The following AKAP9 variants were observed in gnomAD, a reference collection of about 807,000 sequenced individuals.
AKAP9 encodes A-kinase anchoring protein 9.
AKAP9 carries 311 observed loss-of-function variants against 488.5 expected under a neutral mutation model. The ratio of observed to expected loss-of-function variants is 0.64; its 90% CI spans 0.58 to 0.70. The LOEUF is 0.70. Ranked by LOEUF, AKAP9 falls within the 30% of genes least tolerant of loss-of-function variation. The pLI, the probability that AKAP9 is intolerant of heterozygous loss-of-function variation, is 0.00. For synonymous variants in AKAP9, 1,462 were observed against 1,483.5 expected (o/e 0.99, Z 0.33); for missense variants, 4,215 against 4,374.5 (o/e 0.96, Z 1.03).
intron 22 of AKAP9, chr7:92,058,019 A>G (rs1039780082): frequency 6.9e-5 from 21 of 302,632 alleles, no homozygotes; most frequent in Admixed American, 9.8e-5. Flanking sequence ...GTGCAGTTGT[A>G]TGAATTAATT....
chr7:92,029,980 G>T lies in AKAP9; in HGVS notation c.4234G>T (p.Gly1412Cys). 3 of 1,601,454 alleles carry T rather than the reference G, an allele frequency of 1.9e-6. No individual in the cohort carries two copies. The highest frequency in any genetic ancestry group is 1.1e-5 in the South Asian group (1 of 90,622). ...PGSCVKKNID[G>C]TIEFSGEFGV... is the part of the protein sequence containing the mutation. ...AAGTTGTGTGAAAAAGAATATTGAT[G>T]GTACAATAGAGGTATTATATTTTTA... Residue 1412 changes from glycine to cysteine, a missense_variant, in exon 15 of 50, where the codon GGT (glycine) becomes TGT (cysteine). Physicochemically the swap from Gly to Cys is radical, Grantham distance 159. This residue lies in a region of AKAP9 where 2,361 missense variants were observed against 2,430.0 expected (regional missense o/e 0.97). Transcript: ENST00000356239.
intron 21 of AKAP9, among the ~76,000 whole-genome samples, chr7:92,046,564 T>C (rs577592788): frequency 6.6e-6 from 1 of 152,318 alleles, no homozygotes; most frequent in Admixed American, 6.5e-5. Context: ...AAAAATTGTT[T>C]TTAGTAAATT....
At chr7:92,089,694 A>G in intron 38 of AKAP9, 165 bp downstream of exon 38, 1 of 794,640 alleles carries the variant, frequency 1.3e-6, no homozygotes, top group South Asian at 1.7e-5. Flanking sequence ...TAGGGGTTAG[A>G]GGATTGTCTA....
chr7:92,080,712 C>T (rs75497754), intron 31 of AKAP9, among the ~76,000 whole-genome samples: 5 of 152,116 alleles, frequency 3.3e-5, no homozygotes, highest in African/African-American at 4.8e-5. Context: ...TTTCACAAAT[C>T]TCTTTTGTGC....
At chr7:91,986,037 G>T (rs996178039) in intron 3 of AKAP9, among the ~76,000 whole-genome samples, 1 of 152,098 alleles carries the variant, frequency 6.6e-6, no homozygotes, top group Non-Finnish European at 1.5e-5. Context: ...CTTTGAATCT[G>T]TCTGGTCCTG....
Position 92,089,422 on chromosome 7 carries a change from A to G in AKAP9, c.9251A>G (p.Lys3084Arg). Residue 3084 changes from lysine to arginine, a missense_variant, in exon 38 of 50, where the codon AAA becomes AGA. This residue lies in a region of AKAP9 where 1,476 missense variants were observed against 1,477.4 expected (regional missense o/e 1.00). Coordinates refer to ENST00000356239, the MANE Select transcript of AKAP9 (RefSeq NM_005751.5). Reference sequence around the variant, plus strand: ...CAAGCAGCTATGGAATGCCTCCAGAAAGCAGATAGAAGGAGTTTGTTATCT... The same window carrying G: ...CAAGCAGCTATGGAATGCCTCCAGAGAGCAGATAGAAGGAGTTTGTTATCT... ...EYQAAMECLQ[K>R]ADRRSLLSEI... The G allele has an allele frequency of 1.2e-6, 2 of 1,612,144 alleles. No homozygotes were observed. Among genetic ancestry groups the G allele is most frequent in the Non-Finnish European group, 1.7e-6 (2 of 1,179,718 alleles).
chr7:91,994,793 C>A lies in AKAP9; in HGVS notation c.732+17C>A. 1 of 1,591,364 alleles carries A rather than the reference C, an allele frequency of 6.3e-7. No homozygotes were observed. Among genetic ancestry groups the A allele is most frequent in the Non-Finnish European group, 8.6e-7 (1 of 1,164,988 alleles). ...TTTCAGCAAGTAAGTATTACTAATG[C>A]AACAAAATTCATTATTTTTTTAGTA... On this transcript the variant is annotated intron_variant, in intron 6 of 49. Coordinates refer to ENST00000356239, the MANE Select transcript of AKAP9 (RefSeq NM_005751.5).
In AKAP9 at chr7:91,971,982, C is replaced by CTTTTTTTTTTTTTTTTTTTTTTT. The variant is rs71107846; in HGVS notation, c.49-1709_49-1708insTTTTTTTTTTTTTTTTTTTTTTT. Among the ~76,000 whole-genome samples, 3 of 91,890 alleles carry CTTTTTTTTTTTTTTTTTTTTTTT rather than the reference C, an allele frequency of 3.3e-5. 1 individual carries two copies. The highest frequency in any genetic ancestry group is 2.0e-5 in the Non-Finnish European group (1 of 49,074). The allele number at this position is 91,890 out of a possible 152,430, so 60.3% of individuals were successfully genotyped here. On this transcript the variant is annotated intron_variant, in intron 1 of 49. Transcript: ENST00000356239. ...ATAGAGTCTTTTATGTTTTGCCTCT[C>CTTTTTTTTTTTTTTTTTTTTTTT]TTTTTTTTTTTTTTTTTTTTGCACT...
chr7:92,022,989 TGAGTCCACG>T lies in AKAP9; in HGVS notation c.4130_4138del (p.Glu1377_Thr1379del), dbSNP rs774423206. ...TACAGAAGAGGCTTCAAGCTGTTAG[TGAGTCCACG>T]GTTCCGCCAAGGTATTCATCTGCTT... On this transcript the variant is annotated inframe_deletion, in exon 14 of 50. Coordinates refer to ENST00000356239, the MANE Select transcript of AKAP9 (RefSeq NM_005751.5). 88 of 1,614,024 alleles carry T rather than the reference TGAGTCCACG, an allele frequency of 5.5e-5. No homozygotes were observed. Among genetic ancestry groups the T allele is most frequent in the Non-Finnish European group, 7.1e-5 (84 of 1,179,898 alleles).
At chr7:91,996,487 T>G (rs1798422885) in intron 7 of AKAP9, among the ~76,000 whole-genome samples, 1 of 152,164 alleles carries the variant, frequency 6.6e-6, no homozygotes, top group Admixed American at 6.5e-5. Context: ...TGGAGCTTCC[T>G]GTACTACACT....
At chr7:92,010,680 A>C (rs1276216256) in intron 8 of AKAP9, among the ~76,000 whole-genome samples, 1 of 151,958 alleles carries the variant, frequency 6.6e-6, no homozygotes, top group East Asian at 1.9e-4. Flanking sequence ...TTTTAGAGAC[A>C]AGTTTTTACT....
At chr7:92,011,753 A>G (rs1319866686) in intron 8 of AKAP9, among the ~76,000 whole-genome samples, 4 of 152,236 alleles carry the variant, frequency 2.6e-5, no homozygotes, top group Admixed American at 6.5e-5. Flanking sequence ...TTTATTTAAT[A>G]ATACTGAGTG....
At chr7:91,966,281 C>G (rs534178915) in intron 1 of AKAP9, among the ~76,000 whole-genome samples, 3 of 151,972 alleles carry the variant, frequency 2.0e-5, no homozygotes, top group Non-Finnish European at 4.4e-5. Flanking sequence ...TTCCCCAGAC[C>G]AATGTCCTAG....
chr7:92,031,712 A>G, intron 16 of AKAP9, 108 bp downstream of exon 16: 2 of 864,130 alleles, frequency 2.3e-6, no homozygotes, highest in Admixed American at 2.1e-5. Flanking sequence ...TTTCATATAT[A>G]GTTCATCTTT....
intron 3 of AKAP9, among the ~76,000 whole-genome samples, chr7:91,980,607 C>T (rs1376942047): frequency 7.4e-6 from 1 of 134,668 alleles, no homozygotes; most frequent in African/African-American, 2.8e-5. Context: ...GTTTCTTAGA[C>T]ATGTGACTGT....
chr7:92,056,221 G>T (rs555434035), intron 22 of AKAP9, among the ~76,000 whole-genome samples: 2 of 151,882 alleles, frequency 1.3e-5, no homozygotes, highest in South Asian at 4.2e-4. Context: ...TATCCTGACC[G>T]AAATGTTAAC....
At chr7:91,999,858 A>ATTCT (rs537954809) in intron 7 of AKAP9, among the ~76,000 whole-genome samples, 1 of 135,774 alleles carries the variant, frequency 7.4e-6, no homozygotes, top group Non-Finnish European at 1.7e-5. Flanking sequence ...AGTTATGTTC[A>ATTCT]TTCATTCATT....
At chr7:92,035,578 T>G (rs1375072454) in intron 16 of AKAP9, among the ~76,000 whole-genome samples, 1 of 152,240 alleles carries the variant, frequency 6.6e-6, no homozygotes, top group East Asian at 1.9e-4. Flanking sequence ...TTTTGTGTTT[T>G]GTATGCTCTG....
chr7:92,051,431 C>T (rs1043063112), intron 21 of AKAP9, among the ~76,000 whole-genome samples: 8 of 152,104 alleles, frequency 5.3e-5, no homozygotes, highest in African/African-American at 1.9e-4. Context: ...GTGTTTTTTA[C>T]TTTGGAGAAT....
Sources: gnomAD v4.1 joint callset for allele counts (sites outside exome capture counted in the v4.1 genomes callset) on GRCh38, gnomAD v4.1.1 for gene constraint, gnomAD v4.1.1 regional missense constraint, MANE v1.5 for transcripts, NCBI Gene and HGNC (gene_info 2026-07-23, HGNC 2026-07-21) for gene names.